The following ZBTB46 variants were observed in gnomAD, a reference collection of about 807,000 sequenced individuals.
ZBTB46 encodes zinc finger and BTB domain containing 46.
ZBTB46 carries 8 observed loss-of-function variants against 44.1 expected under a neutral mutation model. The ratio of observed to expected loss-of-function variants is 0.18; its 90% confidence interval spans 0.11 to 0.33. The LOEUF is 0.33. ZBTB46 is among the 10% of genes least tolerant of loss of function. ZBTB46 has a pLI of 1.00. For synonymous variants in ZBTB46, 409 were observed against 382.3 expected, an observed-to-expected ratio of 1.07 and a Z score of -0.81; for missense variants, 651 against 847.7, an observed-to-expected ratio of 0.77 and a Z score of 2.88.
chr20:63,778,503 G>A (rs373690165), intron 2 of ZBTB46, among the ~76,000 whole-genome samples: 23 of 152,338 alleles, frequency 1.5e-4, no homozygotes, highest in African/African-American at 5.1e-4. Context: ...CAGAGGTGAC[G>A]TCTGCAAACA....
At chr20:63,791,656 G>T (rs2092562055) in intron 1 of ZBTB46, among the ~76,000 whole-genome samples, 1 of 152,190 alleles carries the variant, frequency 6.6e-6, no homozygotes, top group African/African-American at 2.4e-5. Context: ...CTGGGTCCCT[G>T]CCCAGCACTG....
At chr20:63,763,974 T>C (rs1322660772) in intron 3 of ZBTB46, among the ~76,000 whole-genome samples, 1 of 150,896 alleles carries the variant, frequency 6.6e-6, no homozygotes, top group Admixed American at 6.6e-5. Flanking sequence ...TTCTTTTTCT[T>C]TTTTTTTTAA....
chr20:63,765,104 GT>G (rs1162763784), intron 3 of ZBTB46, among the ~76,000 whole-genome samples: 1 of 150,536 alleles, frequency 6.6e-6, no homozygotes, highest in African/African-American at 2.5e-5. Flanking sequence ...TGTATGTGTG[GT>G]TGTGTGTGTG....
At chr20:63,789,192 C>T (rs2092539865) in intron 2 of ZBTB46, among the ~76,000 whole-genome samples, 1 of 151,998 alleles carries the variant, frequency 6.6e-6, no homozygotes, top group South Asian at 2.1e-4. Context: ...AACAGCAGAA[C>T]CCACAGGTGT....
intron 4 of ZBTB46, among the ~76,000 whole-genome samples, chr20:63,749,493 C>T (rs1196092752): frequency 7.9e-5 from 12 of 152,158 alleles, no homozygotes; most frequent in Non-Finnish European, 1.5e-5. Flanking sequence ...CCCGCCACCA[C>T]GCCCAGCTAA....
chr20:63,781,708 C>A (rs2092471220), intron 2 of ZBTB46, among the ~76,000 whole-genome samples: 1 of 151,906 alleles, frequency 6.6e-6, no homozygotes, highest in Non-Finnish European at 1.5e-5. Flanking sequence ...AGGAGAATTG[C>A]TTGAACCTAG....
At chr20:63,811,746 G>T (rs1296042974) in intron 1 of ZBTB46, among the ~76,000 whole-genome samples, 4 of 152,160 alleles carry the variant, frequency 2.6e-5, no homozygotes, top group African/African-American at 9.7e-5. Flanking sequence ...CCTGCCACAT[G>T]AGGACTCAGG....
chr20:63,790,301 T>C lies in ZBTB46; in HGVS notation c.457A>G (p.Ser153Gly), dbSNP rs755134928. ...EFEIGASSSS[S>G]TEALISAVMA... ...ACGGCCGAGATGAGAGCTTCCGTGC[T>C]GCTGCTGGACGAGGCGCCGATCTCG... Residue 153 changes from serine to glycine, a missense_variant, in exon 2 of 5, where the codon AGC (serine) becomes GGC (glycine). By Grantham distance (56) the Ser-to-Gly change is moderately conservative. This residue lies in a region of ZBTB46 where 385 missense variants were observed against 423.3 expected (regional missense o/e 0.91). Coordinates refer to ENST00000245663, the MANE Select transcript of ZBTB46 (RefSeq NM_001369741.1). The C allele has an allele frequency of 3.7e-6, 6 of 1,613,142 alleles. No homozygotes were observed. Among genetic ancestry groups the C allele is most frequent in the Non-Finnish European group, 5.1e-6 (6 of 1,179,982 alleles).
chr20:63,817,091 G>A (rs1252468517), intron 1 of ZBTB46, among the ~76,000 whole-genome samples: 1 of 150,506 alleles, frequency 6.6e-6, no homozygotes, highest in African/African-American at 2.5e-5. Flanking sequence ...GGCAACAAGA[G>A]CGAAACTCAG....
At chr20:63,753,748 T>C (rs1002323939) in intron 3 of ZBTB46, among the ~76,000 whole-genome samples, 2 of 152,258 alleles carry the variant, frequency 1.3e-5, no homozygotes, top group African/African-American at 4.8e-5. Flanking sequence ...CTTTCAGTGC[T>C]GGGATTTTTA....
intron 1 of ZBTB46, 34 bp from the exon 2 acceptor site, chr20:63,790,824 A>G: frequency 6.7e-7 from 1 of 1,490,782 alleles, no homozygotes; most frequent in South Asian, 1.3e-5. Context: ...ACCCAAGCTC[A>G]GCACAGACAG....
At chr20:63,807,780 C>T (rs762245339) in intron 1 of ZBTB46, among the ~76,000 whole-genome samples, 1 of 152,280 alleles carries the variant, frequency 6.6e-6, no homozygotes, top group Non-Finnish European at 1.5e-5. Flanking sequence ...TGTGAGGCAG[C>T]GGGTCTGGCT....
chr20:63,757,342 C>T (rs542686082), intron 3 of ZBTB46, among the ~76,000 whole-genome samples: 6 of 152,224 alleles, frequency 3.9e-5, no homozygotes, highest in East Asian at 3.9e-4. Context: ...AGGCTGGTCT[C>T]GAACTCCTGA....
intron 2 of ZBTB46, among the ~76,000 whole-genome samples, chr20:63,782,988 G>T (rs985301935): frequency 6.6e-6 from 1 of 152,196 alleles, no homozygotes; most frequent in Non-Finnish European, 1.5e-5. Flanking sequence ...AAATTAGCCA[G>T]GCGTGGTGGC....
Position 63,787,432 on chromosome 20 carries a change from C to G in ZBTB46, c.937+2389G>C, listed in dbSNP as rs1354579196. 1.3e-5 allele frequency among the ~76,000 whole-genome samples: 2 copies of G among 152,246 alleles called. No individual in the cohort carries two copies. The highest frequency in any genetic ancestry group is 1.3e-4 in the Admixed American group (2 of 15,288). On this transcript the variant is annotated intron_variant, in intron 2 of 4. Transcript: ENST00000245663. The surrounding 1 kb of genome is among the most constrained non-coding windows in gnomAD (Gnocchi z 4.6). The stretch of plus-strand genomic sequence containing the variant: ...TCAGCACTCGCTCACCCAGGGCAAC[C>G]TGCAGTGCAGCAAGCTCTGTGCATG...
At chr20:63,770,770 C>G (rs2092362579) in intron 3 of ZBTB46, among the ~76,000 whole-genome samples, 1 of 152,234 alleles carries the variant, frequency 6.6e-6, no homozygotes, top group Admixed American at 6.5e-5. Context: ...ACCCGGCACC[C>G]CGTACCGCAA....
chr20:63,755,082 G>A (rs2092207393), intron 3 of ZBTB46, among the ~76,000 whole-genome samples: 1 of 152,290 alleles, frequency 6.6e-6, no homozygotes, highest in South Asian at 2.1e-4. Context: ...ATGGACATGA[G>A]CAGGACTCAG....
chr20:63,807,541 C>T (rs888027678), intron 1 of ZBTB46, among the ~76,000 whole-genome samples: 2 of 152,158 alleles, frequency 1.3e-5, no homozygotes, highest in Non-Finnish European at 2.9e-5. Context: ...AACGGGGTTT[C>T]ACCATGTTGG....
intron 1 of ZBTB46, among the ~76,000 whole-genome samples, chr20:63,799,736 C>A (rs1601497305): frequency 6.6e-6 from 1 of 152,190 alleles, no homozygotes; most frequent in Non-Finnish European, 1.5e-5. Context: ...ACAGAGGCTT[C>A]CCCAGCTGTC....
Sources: gnomAD v4.1 joint callset for allele counts (sites outside exome capture counted in the v4.1 genomes callset) on GRCh38, gnomAD v4.1.1 for gene constraint, gnomAD v4.1.1 regional missense constraint, Gnocchi (gnomAD v3.1) non-coding constraint, MANE v1.5 for transcripts, NCBI Gene and HGNC (gene_info 2026-07-23, HGNC 2026-07-21) for gene names.